The following KITLG variants were observed in gnomAD, a reference collection of about 807,000 sequenced individuals.
KITLG encodes KIT ligand.
In KITLG, 13 loss-of-function variants were observed where a neutral mutation model predicts 34.1. The ratio of observed to expected loss-of-function variants is 0.38; its 90% CI spans 0.25 to 0.61. The LOEUF (loss-of-function observed/expected upper bound fraction) is 0.61, where lower values mean the gene tolerates loss of function less well. KITLG is among the 20% of genes least tolerant of loss of function. The pLI is 0.60. For synonymous variants in KITLG, 110 were observed against 104.0 expected (o/e 1.06, Z -0.35); for missense variants, 292 against 318.9 (o/e 0.92, Z 0.64).
intron 9 of KITLG, among the ~76,000 whole-genome samples, chr12:88,503,727 C>G (rs544918026): frequency 1.3e-5 from 2 of 152,192 alleles, no homozygotes; most frequent in African/African-American, 4.8e-5. Context: ...CTCCCACAAT[C>G]CCTCCGCAGA....
chr12:88,510,811 A>G (rs1869248545), intron 6 of KITLG, among the ~76,000 whole-genome samples: 1 of 152,168 alleles, frequency 6.6e-6, no homozygotes, highest in Non-Finnish European at 1.5e-5. Context: ...TTATCCCTGA[A>G]AACTAGCATG....
chr12:88,546,154 T>A, intron 1 of KITLG: 2 of 467,750 alleles, frequency 4.3e-6, no homozygotes, highest in South Asian at 3.7e-5. Flanking sequence ...TAGCAGCATG[T>A]TAAAGACTTA....
intron 6 of KITLG, among the ~76,000 whole-genome samples, chr12:88,514,678 T>A (rs1475609354): frequency 2.0e-5 from 3 of 151,684 alleles, no homozygotes; most frequent in Non-Finnish European, 4.4e-5. Context: ...TGGCAAAAAA[T>A]TCCAAAATAA....
At chr12:88,556,689 G>A (rs564749055) in intron 1 of KITLG, among the ~76,000 whole-genome samples, 6 of 152,136 alleles carry the variant, frequency 3.9e-5, no homozygotes, top group Non-Finnish European at 5.9e-5. Flanking sequence ...GCAGGAGTCT[G>A]GGAGTTTATC....
intron 1 of KITLG, 38 bp downstream of exon 1, chr12:88,580,226 C>T (rs41306944): frequency 1.3e-6 from 2 of 1,596,056 alleles, no homozygotes; most frequent in South Asian, 1.1e-5. Context: ...GCGATTTTTC[C>T]TGGAGAGCCT....
At chr12:88,575,246 T>A (rs374439495) in intron 1 of KITLG, among the ~76,000 whole-genome samples, 1 of 152,266 alleles carries the variant, frequency 6.6e-6, no homozygotes, top group East Asian at 1.9e-4. Context: ...ATTATCCAGG[T>A]TAATAAAAGA....
intron 9 of KITLG, among the ~76,000 whole-genome samples, chr12:88,497,405 T>C (rs1306058010): frequency 1.3e-5 from 2 of 152,158 alleles, no homozygotes; most frequent in Non-Finnish European, 2.9e-5. Context: ...AATCTTACTT[T>C]TTGTTTATTA....
intron 3 of KITLG, among the ~76,000 whole-genome samples, chr12:88,523,681 G>A (rs1011266986): frequency 1.3e-5 from 2 of 152,074 alleles, no homozygotes; most frequent in South Asian, 2.1e-4. Context: ...CATTCCATGG[G>A]CAGGCAAATT....
chr12:88,535,352 T>G (rs1870270548), intron 2 of KITLG, among the ~76,000 whole-genome samples: 1 of 152,166 alleles, frequency 6.6e-6, no homozygotes, highest in South Asian at 2.1e-4. Context: ...TAATACTGTT[T>G]TTGAAACGTG....
intron 1 of KITLG, among the ~76,000 whole-genome samples, chr12:88,549,313 T>A (rs975538431): frequency 6.6e-6 from 1 of 152,058 alleles, no homozygotes; most frequent in African/African-American, 2.4e-5. Flanking sequence ...ATAAATTAAT[T>A]AAATAAGATC....
At position 88,539,577 on chromosome 12, in the gene KITLG, T is replaced by C. The variant is rs561318398; in HGVS notation, c.129+6175A>G. On this transcript the variant is annotated intron_variant, in intron 2 of 9. Transcript: ENST00000644744. ...TCTAACCAACCAGGTGTATTACCTATAGTTTTCAAATGTAACTGGACTTTT... is the reference window on the plus strand; with the variant it reads ...TCTAACCAACCAGGTGTATTACCTACAGTTTTCAAATGTAACTGGACTTTT... Among the ~76,000 whole-genome samples the C allele has an allele frequency of 2.1e-3, 322 of 152,258 alleles. 1 individual carries two copies. Among genetic ancestry groups the C allele is most frequent in the African/African-American group, 7.3e-3 (304 of 41,552 alleles).
At chr12:88,506,974 T>A in intron 7 of KITLG, 54 bp downstream of exon 7, 1 of 966,624 alleles carries the variant, frequency 1.0e-6, no homozygotes, top group South Asian at 1.3e-5. Context: ...GAAAAAAAGA[T>A]GATAATTTAT....
At chr12:88,559,633 C>A (rs1326084524) in intron 1 of KITLG, among the ~76,000 whole-genome samples, 2 of 152,146 alleles carry the variant, frequency 1.3e-5, no homozygotes, top group African/African-American at 4.8e-5. Context: ...AGTAATTAAG[C>A]ATTTATTTCT....
chr12:88,514,089 C>G (rs1427966724), intron 6 of KITLG, among the ~76,000 whole-genome samples: 1 of 151,418 alleles, frequency 6.6e-6, no homozygotes, highest in African/African-American at 2.4e-5. Flanking sequence ...TTTATATTAT[C>G]CATGAATCAA....
intron 1 of KITLG, among the ~76,000 whole-genome samples, chr12:88,550,210 C>A (rs913402921): frequency 1.3e-5 from 2 of 152,036 alleles, no homozygotes; most frequent in Non-Finnish European, 2.9e-5. Flanking sequence ...TAAATAAAAC[C>A]AAGATGGGGA....
At chr12:88,557,282 A>C (rs1166022759) in intron 1 of KITLG, among the ~76,000 whole-genome samples, 3 of 152,302 alleles carry the variant, frequency 2.0e-5, no homozygotes, top group African/African-American at 7.2e-5. Context: ...CTCAGGCAAG[A>C]ATATAGGGCC....
chr12:88,541,853 G>T (rs1441622431), intron 2 of KITLG, among the ~76,000 whole-genome samples: 1 of 152,154 alleles, frequency 6.6e-6, no homozygotes, highest in Non-Finnish European at 1.5e-5. Flanking sequence ...TAAATCATGG[G>T]CTTCTGTGAC....
chr12:88,536,201 A>G (rs535843659), intron 2 of KITLG, among the ~76,000 whole-genome samples: 2 of 152,314 alleles, frequency 1.3e-5, no homozygotes, highest in East Asian at 3.9e-4. Flanking sequence ...AAACAATTCA[A>G]CAAGCAAAAA....
At chr12:88,510,599 A>G (rs941146936) in intron 6 of KITLG, among the ~76,000 whole-genome samples, 2 of 152,214 alleles carry the variant, frequency 1.3e-5, no homozygotes, top group African/African-American at 4.8e-5. Flanking sequence ...ACTGTCTGCA[A>G]GAATCTCAAA....
Sources: allele counts gnomAD v4.1 joint callset (sites outside exome capture counted in the v4.1 genomes callset), GRCh38; gene constraint gnomAD v4.1.1; transcripts MANE v1.5; gene names NCBI Gene and HGNC (gene_info 2026-07-23, HGNC 2026-07-21).